SLC23A2: variants seen among roughly 807,000 people sequenced by gnomAD.
SLC23A2 encodes the protein solute carrier family 23 member 2.
In SLC23A2, 36 loss-of-function variants were observed where a neutral mutation model predicts 73.3. The ratio of observed to expected loss-of-function variants is 0.49; its 90% CI spans 0.38 to 0.65. The LOEUF is 0.65. Among genes scored for constraint, SLC23A2 ranks in the 30% least tolerant of loss-of-function variants. The pLI is 0.00. For missense variants in SLC23A2, 507 were observed against 841.6 expected (o/e 0.60, Z 4.92); for synonymous variants, 343 against 327.3 (o/e 1.05, Z -0.52).
At chr20:4,870,124 G>C (rs1930385355) in intron 11 of SLC23A2, 71 bp from the exon 12 acceptor site, 1 of 1,323,308 alleles carries the variant, frequency 7.6e-7, no homozygotes, top group Non-Finnish European at 1.0e-6. Context: ...GTTACCCAAA[G>C]TCATTCTGAA....
chr20:4,933,457 A>G (rs1434438080), intron 2 of SLC23A2, among the ~76,000 whole-genome samples: 1 of 151,830 alleles, frequency 6.6e-6, no homozygotes, highest in Non-Finnish European at 1.5e-5. Flanking sequence ...CTACTAAAAA[A>G]AAAAATAATA....
At chr20:4,859,679 G>A (rs1437869957) in intron 15 of SLC23A2, among the ~76,000 whole-genome samples, 1 of 152,096 alleles carries the variant, frequency 6.6e-6, no homozygotes, top group Admixed American at 6.5e-5. Context: ...AAGCCACAGG[G>A]GTGTAGTCGG....
At position 4,853,484 on chromosome 20, in the gene SLC23A2, C is replaced by T. The variant is rs555177895; in HGVS notation, c.*3488G>A. 2.0e-5 allele frequency: 3 copies of T among 152,686 alleles called. No individual in the cohort carries two copies. Among genetic ancestry groups the T allele is most frequent in the South Asian group, 2.1e-4 (1 of 4,830 alleles). The allele number at this position is 152,686 out of a possible 1,614,324, so 9.5% of individuals were successfully genotyped here. ...ACTTAGCTCATGGTCATAAAATATA[C>T]GTATGGGTAAATAAAGTATACACAC... On this transcript the variant is annotated 3_prime_UTR_variant, in exon 17 of 17. Coordinates refer to ENST00000338244, the MANE Select transcript of SLC23A2 (RefSeq NM_005116.6).
chr20:4,891,581 G>A (rs1268327156), intron 6 of SLC23A2, among the ~76,000 whole-genome samples: 2 of 152,192 alleles, frequency 1.3e-5, no homozygotes, highest in Non-Finnish European at 2.9e-5. Flanking sequence ...CCAACCCCAA[G>A]CCCTGCTACA....
In SLC23A2 at chr20:4,870,885, A is replaced by T. The variant is rs1307952731; in HGVS notation, c.1103-832T>A. Among the ~76,000 whole-genome samples the T allele has an allele frequency of 2.0e-5, 3 of 152,350 alleles. No homozygotes were observed. The East Asian group carries it at 5.8e-4, about 29-fold the overall frequency. On this transcript the variant is annotated intron_variant, in intron 11 of 16. Coordinates refer to ENST00000338244, the MANE Select transcript of SLC23A2 (RefSeq NM_005116.6). Reference sequence around the variant, plus strand: ...TTCTCTACTATAATACCAGAACCTTATTTTTATATCATAAACCATGTTATG... The same window carrying T: ...TTCTCTACTATAATACCAGAACCTTTTTTTTATATCATAAACCATGTTATG...
intron 3 of SLC23A2, among the ~76,000 whole-genome samples, chr20:4,916,336 T>C (rs546477133): frequency 1.5e-4 from 23 of 152,296 alleles, no homozygotes; most frequent in African/African-American, 5.5e-4. Context: ...AACCTAGATA[T>C]GATTGAAAGT....
At chr20:4,993,240 T>C (rs1971573) in intron 1 of SLC23A2, among the ~76,000 whole-genome samples, 84,944 of 148,428 alleles carry the variant, frequency 0.57, 24,415 homozygotes, top group South Asian at 0.63. Flanking sequence ...GCTGAGATCG[T>C]GCCACTGCAC....
intron 2 of SLC23A2, among the ~76,000 whole-genome samples, chr20:4,967,930 G>A (rs2087499874): frequency 6.6e-6 from 1 of 152,164 alleles, no homozygotes; most frequent in Admixed American, 6.6e-5. Context: ...AAAACGAAAG[G>A]TACGAGCAAG....
intron 6 of SLC23A2, among the ~76,000 whole-genome samples, chr20:4,886,851 G>T (rs961535370): frequency 1.3e-5 from 2 of 152,148 alleles, no homozygotes; most frequent in Non-Finnish European, 2.9e-5. Context: ...CTAGTCAGTG[G>T]CCTGGCCAGC....
intron 4 of SLC23A2, among the ~76,000 whole-genome samples, chr20:4,909,311 A>T (rs938104732): frequency 2.6e-5 from 4 of 152,188 alleles, no homozygotes; most frequent in African/African-American, 9.6e-5. Flanking sequence ...TGCTCAAAAA[A>T]TTTCAGATAT....
chr20:4,853,782 G>A lies in SLC23A2; in HGVS notation c.*3190C>T, dbSNP rs1929612760. 6.6e-6 allele frequency: 1 copy of A among 152,404 alleles called. No homozygotes were observed. Among genetic ancestry groups the A allele is most frequent in the Non-Finnish European group, 1.5e-5 (1 of 68,040 alleles). The allele number at this position is 152,404 out of a possible 1,614,324, so 9.4% of individuals were successfully genotyped here. A position where few individuals can be genotyped will look rare whatever the true frequency, so the allele number is the denominator to read the frequency against. On this transcript the variant is annotated 3_prime_UTR_variant, in exon 17 of 17. Transcript: ENST00000338244. Reference sequence around the variant, plus strand: ...CTTCATTCTGGCTGGCATGGTTAAAGCCACTTCTCTTGCCTTGATCAATCC... The same window carrying A: ...CTTCATTCTGGCTGGCATGGTTAAAACCACTTCTCTTGCCTTGATCAATCC...
intron 6 of SLC23A2, among the ~76,000 whole-genome samples, chr20:4,897,420 G>A (rs1275838291): frequency 6.6e-6 from 1 of 152,190 alleles, no homozygotes; most frequent in Non-Finnish European, 1.5e-5. Flanking sequence ...GGTCATGGGG[G>A]ACTCACTCTG....
intron 2 of SLC23A2, among the ~76,000 whole-genome samples, chr20:4,937,444 C>G (rs746475332): frequency 1.3e-5 from 2 of 152,130 alleles, no homozygotes; most frequent in Non-Finnish European, 2.9e-5. Context: ...GATAGAAGAT[C>G]ATGATGGCGA....
chr20:4,972,744 C>T (rs1282496109), intron 1 of SLC23A2, among the ~76,000 whole-genome samples: 1 of 152,086 alleles, frequency 6.6e-6, no homozygotes, highest in Non-Finnish European at 1.5e-5. Flanking sequence ...CGCCACCATG[C>T]CTGGCTAATT....
intron 1 of SLC23A2, among the ~76,000 whole-genome samples, chr20:5,001,019 G>A (rs2088112229): frequency 6.6e-6 from 1 of 152,144 alleles, no homozygotes; most frequent in African/African-American, 2.4e-5. Context: ...GGACGCGCGG[G>A]CGCAGAGCCC....
intron 1 of SLC23A2, among the ~76,000 whole-genome samples, chr20:5,006,605 G>A (rs1420746535): frequency 1.3e-5 from 2 of 150,076 alleles, no homozygotes; most frequent in Non-Finnish European, 3.0e-5. Flanking sequence ...TTGCTCTGTT[G>A]GCCAGGCTGG....
At chr20:4,949,823 C>T (rs1033862415) in intron 2 of SLC23A2, among the ~76,000 whole-genome samples, 1 of 152,200 alleles carries the variant, frequency 6.6e-6, no homozygotes, top group Non-Finnish European at 1.5e-5. Flanking sequence ...TTCCCCAAAG[C>T]AGAACCGCCA....
At chr20:4,877,868 C>T (rs550843981) in intron 9 of SLC23A2, among the ~76,000 whole-genome samples, 4 of 152,354 alleles carry the variant, frequency 2.6e-5, no homozygotes, top group African/African-American at 9.6e-5. Flanking sequence ...CCAGAAAGAG[C>T]AGTCACTGAC....
chr20:4,963,974 A>C (rs1230455870), intron 2 of SLC23A2, among the ~76,000 whole-genome samples: 1 of 152,048 alleles, frequency 6.6e-6, no homozygotes, highest in East Asian at 1.9e-4. Flanking sequence ...AGCACTTTGG[A>C]TATACTGCTA....
Sources: gnomAD v4.1 joint callset for allele counts (sites outside exome capture counted in the v4.1 genomes callset) on GRCh38, gnomAD v4.1.1 for gene constraint, MANE v1.5 for transcripts, NCBI Gene and HGNC (gene_info 2026-07-23, HGNC 2026-07-21) for gene names.